MACROD2: variants seen among roughly 807,000 people sequenced by gnomAD.
The protein encoded by MACROD2 is mono-ADP ribosylhydrolase 2.
In MACROD2, 36 loss-of-function variants were observed where a neutral mutation model predicts 70.4. The ratio of observed to expected loss-of-function variants is 0.51; its 90% confidence interval spans 0.39 to 0.68. The LOEUF is 0.68. MACROD2 is among the 30% of genes least tolerant of loss of function. The pLI is 0.00. For synonymous variants in MACROD2, 172 were observed against 178.8 expected (o/e 0.96, Z 0.30); for missense variants, 496 against 538.4 (o/e 0.92, Z 0.78).
At chr20:15,368,320 G>A (rs1163131904) in intron 6 of MACROD2, among the ~76,000 whole-genome samples, 2 of 151,524 alleles carry the variant, frequency 1.3e-5, no homozygotes, top group African/African-American at 4.9e-5. Flanking sequence ...TAAGTAATTT[G>A]TAATGCCATT....
chr20:15,777,355 C>T (rs984407887), intron 8 of MACROD2, among the ~76,000 whole-genome samples: 6 of 151,428 alleles, frequency 4.0e-5, no homozygotes, highest in South Asian at 2.1e-4. Flanking sequence ...GAGAAAGTGC[C>T]GGTTTGGTTA....
At chr20:15,561,084 C>A (rs771811415) in intron 8 of MACROD2, among the ~76,000 whole-genome samples, 2 of 152,166 alleles carry the variant, frequency 1.3e-5, no homozygotes, top group Non-Finnish European at 2.9e-5. Flanking sequence ...CAGGGAACAT[C>A]AGAAGCTCAT....
chr20:14,301,183 A>T (rs532760853), intron 3 of MACROD2, among the ~76,000 whole-genome samples: 2 of 152,196 alleles, frequency 1.3e-5, no homozygotes, highest in Non-Finnish European at 2.9e-5. Flanking sequence ...CAGGAAGGCT[A>T]ATTCTAGAAC....
At chr20:14,521,084 T>C (rs548704567) in intron 4 of MACROD2, among the ~76,000 whole-genome samples, 2 of 152,312 alleles carry the variant, frequency 1.3e-5, no homozygotes, top group African/African-American at 4.8e-5. Flanking sequence ...TTAATAAAAG[T>C]GCATTGGCTA....
chr20:14,653,499 T>G (rs1014754584), intron 4 of MACROD2, among the ~76,000 whole-genome samples: 97 of 149,218 alleles, frequency 6.5e-4, no homozygotes, highest in African/African-American at 2.3e-3. Context: ...ACTGCAGGCG[T>G]GAGCCACCAA....
At chr20:15,812,400 C>T (rs763659) in intron 8 of MACROD2, among the ~76,000 whole-genome samples, 26,361 of 152,036 alleles carry the variant, frequency 0.17, 2,538 homozygotes, top group Middle Eastern at 0.3. Context: ...ATATGGAGGA[C>T]GGACATGCAC....
At chr20:15,986,973 A>C (rs1601280048) in intron 14 of MACROD2, 93 bp from the exon 15 acceptor site, 1 of 1,252,934 alleles carries the variant, frequency 8.0e-7, no homozygotes, top group East Asian at 2.3e-5. Context: ...AGGGGGAAAA[A>C]AGAACTCTAA....
chr20:15,224,506 C>T (rs1226573809), intron 5 of MACROD2, among the ~76,000 whole-genome samples: 1 of 152,188 alleles, frequency 6.6e-6, no homozygotes, highest in African/African-American at 2.4e-5. Context: ...GCACATTATT[C>T]TGTCTCTCTG....
chr20:14,970,159 AAGAG>A (rs1339505245), intron 5 of MACROD2, among the ~76,000 whole-genome samples: 1 of 152,152 alleles, frequency 6.6e-6, no homozygotes, highest in Non-Finnish European at 1.5e-5. Context: ...AGGAGAGAGA[AAGAG>A]AGCCAAGCAA....
At chr20:14,677,370 C>T (rs2070874743) in intron 4 of MACROD2, among the ~76,000 whole-genome samples, 1 of 152,178 alleles carries the variant, frequency 6.6e-6, no homozygotes, top group Non-Finnish European at 1.5e-5. Context: ...ATCTTTCTAT[C>T]CCGCTCTCAG....
At chr20:15,502,382 G>A (rs1361690517) in intron 8 of MACROD2, among the ~76,000 whole-genome samples, 2 of 152,180 alleles carry the variant, frequency 1.3e-5, no homozygotes, top group East Asian at 3.9e-4. Flanking sequence ...TTGAAGCAGA[G>A]AGACGAAAGA....
At chr20:14,617,683 A>G (rs78861961) in intron 4 of MACROD2, among the ~76,000 whole-genome samples, 3,603 of 152,250 alleles carry the variant, frequency 0.024, 61 homozygotes, top group Admixed American at 0.037. Context: ...TTCTCCTTTT[A>G]AAATAACTAG....
At chr20:15,816,854 G>C (rs1166696426) in intron 8 of MACROD2, among the ~76,000 whole-genome samples, 2 of 152,158 alleles carry the variant, frequency 1.3e-5, no homozygotes, top group Non-Finnish European at 2.9e-5. Flanking sequence ...AGACAATTTT[G>C]TGAAAACAGA....
chr20:15,806,965 T>C (rs937042991), intron 8 of MACROD2, among the ~76,000 whole-genome samples: 6 of 152,192 alleles, frequency 3.9e-5, no homozygotes, highest in African/African-American at 1.2e-4. Flanking sequence ...GAGCCAAAGA[T>C]GTATTTACCC....
chr20:15,018,809 A>G (rs1035727109), intron 5 of MACROD2, among the ~76,000 whole-genome samples: 5 of 152,286 alleles, frequency 3.3e-5, no homozygotes, highest in Admixed American at 6.5e-5. Flanking sequence ...CAACACCCAC[A>G]CAGACACACC....
chr20:14,714,287 G>A (rs1403961470), intron 5 of MACROD2, among the ~76,000 whole-genome samples: 1 of 151,922 alleles, frequency 6.6e-6, no homozygotes, highest in Non-Finnish European at 1.5e-5. Context: ...CCTGCATTGG[G>A]CCACACCAAG....
intron 3 of MACROD2, among the ~76,000 whole-genome samples, chr20:14,432,269 G>A (rs1568609226): frequency 6.6e-6 from 1 of 152,004 alleles, no homozygotes; most frequent in Non-Finnish European, 1.5e-5. Context: ...ATTATTATCT[G>A]CAGAGCTGAA....
chr20:15,919,692 G>A (rs978537469), intron 10 of MACROD2, among the ~76,000 whole-genome samples: 16 of 152,056 alleles, frequency 1.1e-4, no homozygotes, highest in Non-Finnish European at 2.2e-4. Flanking sequence ...CTGAGATCGC[G>A]CCACTGGACT....
chr20:16,011,639 G>A (rs1044359160), intron 15 of MACROD2, among the ~76,000 whole-genome samples: 5 of 150,798 alleles, frequency 3.3e-5, no homozygotes, highest in Admixed American at 2.6e-4. Flanking sequence ...CCCGAGTAAA[G>A]GAGACAGGGA....
Sources: gnomAD v4.1 joint callset for allele counts (sites outside exome capture counted in the v4.1 genomes callset) on GRCh38, gnomAD v4.1.1 for gene constraint, MANE v1.5 for transcripts, NCBI Gene and HGNC (gene_info 2026-07-23, HGNC 2026-07-21) for gene names.